KNSTRN: variants seen among roughly 807,000 people sequenced by gnomAD.
The protein encoded by KNSTRN is small kinetochore-associated protein.
Under a neutral mutation model 44.7 loss-of-function variants are expected in KNSTRN, and 38 were observed. That is an observed-to-expected ratio of 0.85 (90% confidence interval 0.66 to 1.11). The LOEUF is 1.11. Among genes scored for constraint, KNSTRN ranks in the 50% most tolerant of loss-of-function variants. The probability of loss-of-function intolerance (pLI) is 0.00; values close to 1 mark genes in which losing one functional copy is unlikely to be tolerated. For synonymous variants in KNSTRN, 158 were observed against 148.1 expected (o/e 1.07, Z -0.48); for missense variants, 406 against 375.8 (o/e 1.08, Z -0.66).
intron 2 of KNSTRN, 43 bp from the exon 3 acceptor site, chr15:40,386,319 G>A (rs758519695): frequency 1.4e-5 from 22 of 1,594,028 alleles, no homozygotes; most frequent in East Asian, 6.7e-5. Flanking sequence ...TGCAACTGTC[G>A]GGTCATGATG....
At chr15:40,386,838 C>T in intron 3 of KNSTRN, 1 of 527,138 alleles carries the variant, frequency 1.9e-6, no homozygotes, top group Non-Finnish European at 3.4e-6. Flanking sequence ...ACAGTCCAGC[C>T]CTAGTGTGTG....
At chr15:40,386,714 T>C (rs946377073) in intron 3 of KNSTRN, 2 of 561,682 alleles carry the variant, frequency 3.6e-6, no homozygotes, top group Non-Finnish European at 6.3e-6. Flanking sequence ...TTCTTTCCTC[T>C]TTCATCGCTT....
Position 40,393,751 on chromosome 15 carries a change from G to T in KNSTRN, c.*154G>T, listed in dbSNP as rs970480931. On this transcript the variant is annotated 3_prime_UTR_variant, in exon 9 of 9. Transcript: ENST00000249776. ...CTTAAGGACAGTTTATGCTGAAATG[G>T]CAATTCCTCATTTAAGCAAGTTTTC... 1.2e-5 allele frequency: 8 copies of T among 674,294 alleles called. No individual in the cohort carries two copies. Among genetic ancestry groups the T allele is most frequent in the Non-Finnish European group, 1.9e-5 (8 of 430,954 alleles). The allele number at this position is 674,294 out of a possible 1,614,324, so 41.8% of individuals were successfully genotyped here.
intron 3 of KNSTRN, 151 bp downstream of exon 3, chr15:40,386,645 G>A: frequency 1.4e-6 from 1 of 710,946 alleles, no homozygotes; most frequent in Non-Finnish European, 2.3e-6. Context: ...GCTGAGCTCT[G>A]TGCCAGAACC....
intron 8 of KNSTRN, chr15:40,393,179 C>G: frequency 1.2e-6 from 2 of 1,613,480 alleles, no homozygotes; most frequent in Non-Finnish European, 1.7e-6. Flanking sequence ...ATTCTTTGGT[C>G]TGGACTGTTT....
At chr15:40,393,348 A>G (rs994229109) in intron 8 of KNSTRN, 121 bp from the exon 9 acceptor site, 6 of 1,597,382 alleles carry the variant, frequency 3.8e-6, no homozygotes, top group Non-Finnish European at 4.3e-6. Context: ...CAGTCTGTTG[A>G]TACTCCAGTG....
Position 40,383,331 on chromosome 15 carries a change from C to T in KNSTRN, c.304+9C>T. The T allele has an allele frequency of 6.2e-7, 1 of 1,602,212 alleles. No homozygotes were observed. Among genetic ancestry groups the T allele is most frequent in the Non-Finnish European group, 8.5e-7 (1 of 1,170,764 alleles). The stretch of plus-strand genomic sequence containing the variant: ...CGGCGGCCAGCCGGCAGGTGAGGGT[C>T]CAAGCCACGCCCGGGGCACTGCGGC... On this transcript the variant is annotated intron_variant, in intron 2 of 8. Transcript: ENST00000249776.
chr15:40,390,257 T>C (rs1004093197), intron 6 of KNSTRN, among the ~76,000 whole-genome samples: 2 of 152,262 alleles, frequency 1.3e-5, no homozygotes, highest in African/African-American at 4.8e-5. Context: ...TGTCTCTTCC[T>C]ATTTGGGAAA....
rs758046526 is a variant in KNSTRN at position 40,383,017 on chromosome 15, A to T, written c.182A>T (p.Asp61Val). ...AATCTTTTAAACGAGAGCGAGAAGG[A>T]CTGCGGGCAGGACCGGCGGGCTCCT... ...AGNLLNESEKDCGQDRRAPGV... is the reference protein window; with the variant it reads ...AGNLLNESEKVCGQDRRAPGV... Residue 61 changes from aspartate to valine, a missense_variant, in exon 1 of 9, where the codon GAC becomes GTC. By Grantham distance (152) the Asp-to-Val change is radical. Coordinates refer to ENST00000249776, the MANE Select transcript of KNSTRN (RefSeq NM_033286.4). 3 of 1,611,450 alleles carry T rather than the reference A, an allele frequency of 1.9e-6. No individual in the cohort carries two copies. In the African/African-American group the frequency reaches 4.0e-5, roughly 22 times the overall value.
intron 2 of KNSTRN, 63 bp downstream of exon 2, chr15:40,383,385 A>AG: frequency 7.6e-7 from 1 of 1,311,404 alleles, no homozygotes; most frequent in South Asian, 1.2e-5. Context: ...GGGAGTGTGG[A>AG]GATCGAATGG....
chr15:40,388,643 C>T (rs1298940775), intron 4 of KNSTRN, among the ~76,000 whole-genome samples: 4 of 151,568 alleles, frequency 2.6e-5, no homozygotes, highest in Admixed American at 6.6e-5. Flanking sequence ...TGCAGTGAGC[C>T]GAGACCACGC....
intron 2 of KNSTRN, chr15:40,384,467 T>G: frequency 2.2e-6 from 1 of 455,948 alleles, no homozygotes. Context: ...AACACCTGAA[T>G]GGTAATCCTG....
intron 6 of KNSTRN, among the ~76,000 whole-genome samples, chr15:40,390,864 C>CT (rs1472945062): frequency 6.6e-6 from 1 of 152,206 alleles, no homozygotes; most frequent in Non-Finnish European, 1.5e-5. Flanking sequence ...ATCTGCCTGT[C>CT]TCGGCCTCCC....
Position 40,389,848 on chromosome 15 carries a change from G to C in KNSTRN, c.604G>C (p.Asp202His), listed in dbSNP as rs376078990. The C allele has an allele frequency of 1.7e-5, 27 of 1,614,064 alleles. No individual in the cohort carries two copies. Among genetic ancestry groups the C allele is most frequent in the Non-Finnish European group, 1.9e-5 (22 of 1,180,008 alleles). The change falls in exon 6 of 9, where the codon GAC (aspartate) becomes CAC (histidine). Residue 202 changes from aspartate to histidine, a missense_variant. By Grantham distance (81) the Asp-to-His change is moderately conservative (BLOSUM62 -1). Transcript: ENST00000249776. ...KLTETQGELK[D>H]LTQKVELLEK... Reference sequence around the variant, plus strand: ...TGTGCTCCAATAGGGAGAGCTGAAGGACCTGACCCAGAAGGTAGAGCTGCT... The same window carrying C: ...TGTGCTCCAATAGGGAGAGCTGAAGCACCTGACCCAGAAGGTAGAGCTGCT...
Position 40,393,711 on chromosome 15 carries a change from A to C in KNSTRN, c.*114A>C. 1.0e-6 allele frequency: 1 copy of C among 973,304 alleles called. No homozygotes were observed. The highest frequency in any genetic ancestry group is 1.5e-6 in the Non-Finnish European group (1 of 656,156). 60.3% of individuals were successfully genotyped at this position (973,304 alleles called of 1,614,324 possible). A position where few individuals can be genotyped will look rare whatever the true frequency, so the allele number is the denominator to read the frequency against. On this transcript the variant is annotated 3_prime_UTR_variant, in exon 9 of 9. Coordinates refer to ENST00000249776, the MANE Select transcript of KNSTRN (RefSeq NM_033286.4). ...GACTCACCATCTCCAGAATGAAAAC[A>C]ATTTCTACAGTAGACTTAAGGACAG...
chr15:40,388,476 G>A (rs1321180017), intron 4 of KNSTRN, among the ~76,000 whole-genome samples: 1 of 152,132 alleles, frequency 6.6e-6, no homozygotes, highest in Non-Finnish European at 1.5e-5. Flanking sequence ...CGAGGCGGGT[G>A]GATCTCAAGG....
At chr15:40,386,518 A>G (rs1366550206) in intron 3 of KNSTRN, 24 bp downstream of exon 3, 2 of 1,607,396 alleles carry the variant, frequency 1.2e-6, no homozygotes, top group Middle Eastern at 1.7e-4. Flanking sequence ...ATTAGTATCC[A>G]GTTAGAACAT....
At chr15:40,386,787 G>T in intron 3 of KNSTRN, 1 of 503,698 alleles carries the variant, frequency 2.0e-6, no homozygotes, top group Non-Finnish European at 3.6e-6. Flanking sequence ...AGTCATGCAG[G>T]GTGGGGACTA....
intron 4 of KNSTRN, among the ~76,000 whole-genome samples, chr15:40,387,806 GAGTCT>G (rs1329196689): frequency 2.0e-5 from 3 of 152,040 alleles, no homozygotes; most frequent in African/African-American, 7.2e-5. Context: ...TCAGGAGTTC[GAGTCT>G]AGCCTGGGAA....
Sources: allele counts gnomAD v4.1 joint callset (sites outside exome capture counted in the v4.1 genomes callset), GRCh38; gene constraint gnomAD v4.1.1; transcripts MANE v1.5; gene names NCBI Gene and HGNC (gene_info 2026-07-23, HGNC 2026-07-21).